The following OSBPL3 variants were observed in gnomAD, a reference collection of about 807,000 sequenced individuals.
The protein encoded by OSBPL3 is oxysterol-binding protein-related protein 3.
In OSBPL3, 65 loss-of-function variants were observed where a neutral mutation model predicts 120.1. The observed-to-expected ratio is 0.54, with a 90% CI of 0.44 to 0.67. OSBPL3 has a LOEUF of 0.67. Ranked by LOEUF, OSBPL3 falls within the 30% of genes least tolerant of loss-of-function variation. The pLI is 0.00. For missense variants in OSBPL3, 1,004 were observed against 1,082.1 expected (o/e 0.93, Z 1.01); for synonymous variants, 416 against 402.6 (o/e 1.03, Z -0.40).
intron 1 of OSBPL3, among the ~76,000 whole-genome samples, chr7:24,895,363 G>A (rs1386252662): frequency 2.0e-5 from 3 of 152,182 alleles, no homozygotes; most frequent in Non-Finnish European, 4.4e-5. Context: ...ATGCTGTACA[G>A]GTTTGTAGCC....
intron 1 of OSBPL3, among the ~76,000 whole-genome samples, chr7:24,923,423 C>T (rs113152245): frequency 1.1e-3 from 165 of 152,280 alleles, no homozygotes; most frequent in African/African-American, 3.7e-3. Flanking sequence ...TTCCTCAGAA[C>T]GTGGAAGTAT....
At chr7:24,848,296 C>T (rs1442032495) in intron 12 of OSBPL3, among the ~76,000 whole-genome samples, 1 of 152,178 alleles carries the variant, frequency 6.6e-6, no homozygotes, top group African/African-American at 2.4e-5. Flanking sequence ...TTGTCTATTA[C>T]CTGCCTTACA....
chr7:24,811,804 T>C (rs1465566864), intron 19 of OSBPL3, among the ~76,000 whole-genome samples: 2 of 152,236 alleles, frequency 1.3e-5, no homozygotes, highest in Admixed American at 6.5e-5. Flanking sequence ...AACCAATTAA[T>C]TATAAATGCA....
chr7:24,935,341 T>G (rs755160268), intron 1 of OSBPL3, among the ~76,000 whole-genome samples: 1 of 152,172 alleles, frequency 6.6e-6, no homozygotes, highest in Non-Finnish European at 1.5e-5. Context: ...CAGATTATGG[T>G]AAGCTACAGA....
Position 24,873,591 on chromosome 7 carries a change from G to T in OSBPL3, c.97-1522C>A, listed in dbSNP as rs1308709448. Among the ~76,000 whole-genome samples the T allele has an allele frequency of 1.3e-5, 2 of 151,890 alleles. No homozygotes were observed. The highest frequency in any genetic ancestry group is 2.9e-5 in the Non-Finnish European group (2 of 67,976). On this transcript the variant is annotated intron_variant, in intron 2 of 22. Transcript: ENST00000313367. The surrounding 1 kb of genome is among the most constrained non-coding windows in gnomAD (Gnocchi z 4.1). Reference sequence around the variant, plus strand: ...AAAAGATCCAGCTTTTAAATTAGAGGATTTTTTTTTTAAGGAAGGTAGCAA... The same window carrying T: ...AAAAGATCCAGCTTTTAAATTAGAGTATTTTTTTTTTAAGGAAGGTAGCAA...
intron 1 of OSBPL3, among the ~76,000 whole-genome samples, chr7:24,970,468 T>C (rs1261871567): frequency 1.3e-5 from 2 of 152,190 alleles, no homozygotes; most frequent in African/African-American, 4.8e-5. Context: ...AACACTCAAC[T>C]TCTCTGCAAA....
At chr7:24,892,141 G>A (rs1805440738) in intron 2 of OSBPL3, among the ~76,000 whole-genome samples, 1 of 152,138 alleles carries the variant, frequency 6.6e-6, no homozygotes, top group Non-Finnish European at 1.5e-5. Context: ...TACATTGGGG[G>A]ACAGTTGCAA....
At chr7:24,951,412 A>T (rs1413769972) in intron 1 of OSBPL3, among the ~76,000 whole-genome samples, 1 of 152,226 alleles carries the variant, frequency 6.6e-6, no homozygotes, top group African/African-American at 2.4e-5. Flanking sequence ...GGAAAAATGA[A>T]AAAGGTGAAC....
chr7:24,953,946 T>C lies in OSBPL3; in HGVS notation c.-150+25940A>G, dbSNP rs1814743425. Reference sequence around the variant, plus strand: ...TGATGATCAACAGTCTGGAACACTTTCTCAATCACCAGATGAACCTTAGAA... The same window carrying C: ...TGATGATCAACAGTCTGGAACACTTCCTCAATCACCAGATGAACCTTAGAA... On this transcript the variant is annotated intron_variant, in intron 1 of 22. Coordinates refer to ENST00000313367, the MANE Select transcript of OSBPL3 (RefSeq NM_015550.4). This position sits in a 1 kb window ranked among gnomAD's most constrained non-coding sequence, Gnocchi z 4.3. Among the ~76,000 whole-genome samples, 2 of 152,188 alleles carry C rather than the reference T, an allele frequency of 1.3e-5. No individual in the cohort carries two copies. The highest frequency in any genetic ancestry group is 6.5e-5 in the Admixed American group (1 of 15,280).
intron 14 of OSBPL3, among the ~76,000 whole-genome samples, chr7:24,838,801 T>C (rs923127645): frequency 6.6e-6 from 1 of 152,218 alleles, no homozygotes; most frequent in African/African-American, 2.4e-5. Context: ...TGATGTTTCT[T>C]CATTTCTCTT....
At chr7:24,809,505 T>C (rs890125825) in intron 20 of OSBPL3, among the ~76,000 whole-genome samples, 2 of 152,176 alleles carry the variant, frequency 1.3e-5, no homozygotes, top group Non-Finnish European at 2.9e-5. Flanking sequence ...TCTTTTATAG[T>C]ACCCAGTAGA....
chr7:24,893,445 T>C (rs1342335387), intron 1 of OSBPL3, among the ~76,000 whole-genome samples: 1 of 152,168 alleles, frequency 6.6e-6, no homozygotes, highest in Non-Finnish European at 1.5e-5. Context: ...AGAAGGCCAA[T>C]AATTAGTGGT....
At chr7:24,943,640 A>G (rs1006829147) in intron 1 of OSBPL3, among the ~76,000 whole-genome samples, 1 of 152,224 alleles carries the variant, frequency 6.6e-6, no homozygotes. Flanking sequence ...AAACCCATAT[A>G]CTATTAGAGT....
chr7:24,876,115 C>T (rs1251761699), intron 2 of OSBPL3, among the ~76,000 whole-genome samples: 2 of 152,214 alleles, frequency 1.3e-5, no homozygotes, highest in African/African-American at 4.8e-5. Context: ...ATTAATTCCT[C>T]ACTTGTGCTT....
In OSBPL3 at chr7:24,922,162, C is replaced by T. The variant is rs1810466684; in HGVS notation, c.-149-29541G>A. Among the ~76,000 whole-genome samples the T allele has an allele frequency of 6.6e-6, 1 of 152,158 alleles. No individual in the cohort carries two copies. The highest frequency in any genetic ancestry group is 6.5e-5 in the Admixed American group (1 of 15,276). On this transcript the variant is annotated intron_variant, in intron 1 of 22. Transcript: ENST00000313367. This position sits in a 1 kb window ranked among gnomAD's most constrained non-coding sequence, Gnocchi z 4.3. ...TGTGACGGGGATTAACAGGATTGGC[C>T]TGGCCTCAGAAAAGACATTATTTAG...
rs528179227 is a variant in OSBPL3, at chr7:24,899,452, G to C, written c.-149-6831C>G. 6.2e-4 allele frequency among the ~76,000 whole-genome samples: 95 copies of C among 152,188 alleles called. No individual in the cohort carries two copies. The highest frequency in any genetic ancestry group is 2.1e-3 in the African/African-American group (86 of 41,520). ...TTTACTTCCTTTAACTAAAATTCAG[G>C]ACTTGACTGTTCTATTATTATTACC... On this transcript the variant is annotated intron_variant, in intron 1 of 22. Coordinates refer to ENST00000313367, the MANE Select transcript of OSBPL3 (RefSeq NM_015550.4). This position sits in a 1 kb window ranked among gnomAD's most constrained non-coding sequence, Gnocchi z 4.0.
rs1006203610 is a variant in OSBPL3 at position 24,891,215 on chromosome 7, T to C, written c.96+1162A>G. On this transcript the variant is annotated intron_variant, in intron 2 of 22. Transcript: ENST00000313367. This position sits in a 1 kb window ranked among gnomAD's most constrained non-coding sequence, Gnocchi z 4.1. ...TGACTAATTTTAGTCTTTTCTTATT[T>C]TTTTTTTTTTTAATTCCAGAAGGAA... Among the ~76,000 whole-genome samples, 1 of 150,518 alleles carries C rather than the reference T, an allele frequency of 6.6e-6. No individual in the cohort carries two copies. Among genetic ancestry groups the C allele is most frequent in the Non-Finnish European group, 1.5e-5 (1 of 67,512 alleles).
chr7:24,902,485 T>C (rs1380736233), intron 1 of OSBPL3, among the ~76,000 whole-genome samples: 1 of 152,168 alleles, frequency 6.6e-6, no homozygotes, highest in Non-Finnish European at 1.5e-5. Context: ...GACTCTTTCC[T>C]ACTAAAGATG....
intron 19 of OSBPL3, among the ~76,000 whole-genome samples, chr7:24,814,018 A>C (rs1794159868): frequency 6.6e-6 from 1 of 152,144 alleles, no homozygotes. Context: ...TTCTGGAGTC[A>C]AGGATGATGA....
Sources: allele counts gnomAD v4.1 joint callset (sites outside exome capture counted in the v4.1 genomes callset), GRCh38; gene constraint gnomAD v4.1.1; non-coding constraint Gnocchi (gnomAD v3.1); transcripts MANE v1.5; gene names NCBI Gene and HGNC (gene_info 2026-07-23, HGNC 2026-07-21).